The following CDH18 variants were observed in gnomAD, a reference collection of about 807,000 sequenced individuals.
CDH18 encodes cadherin 18.
In CDH18, 31 loss-of-function variants were observed where a neutral mutation model predicts 67.9. The observed-to-expected ratio is 0.46, with a 90% confidence interval of 0.34 to 0.62. The LOEUF (loss-of-function observed/expected upper bound fraction) is 0.62, where lower values mean the gene tolerates loss of function less well. CDH18 is among the 20% of genes least tolerant of loss of function. The pLI is 0.01. For missense variants in CDH18, 890 were observed against 975.5 expected (o/e 0.91, Z 1.17); for synonymous variants, 362 against 347.2 (o/e 1.04, Z -0.48).
intron 2 of CDH18, among the ~76,000 whole-genome samples, chr5:19,890,407 G>A (rs1788661434): frequency 6.6e-6 from 1 of 152,034 alleles, no homozygotes; most frequent in Non-Finnish European, 1.5e-5. Context: ...CTGAGGATTA[G>A]GATGTGGAAA....
intron 2 of CDH18, among the ~76,000 whole-genome samples, chr5:20,008,017 C>G (rs1179113488): frequency 1.3e-5 from 2 of 151,938 alleles, no homozygotes; most frequent in East Asian, 3.9e-4. Context: ...TGGCTGACCC[C>G]TGGTATAGAC....
chr5:19,903,617 CTTTTTT>C (rs59678864), intron 2 of CDH18, among the ~76,000 whole-genome samples: 9 of 89,982 alleles, frequency 1.0e-4, no homozygotes, highest in Admixed American at 1.3e-4. Context: ...AGCAAAGTGG[CTTTTTT>C]TTTTTTTTTT....
intron 3 of CDH18, among the ~76,000 whole-genome samples, chr5:19,808,663 T>TA (rs532046251): frequency 0.084 from 12,298 of 146,624 alleles, 512 homozygotes; most frequent in African/African-American, 0.1. Flanking sequence ...CTGTCTCTAC[T>TA]AAAAAAAAAA....
At chr5:20,251,240 A>T (rs1174497504) in intron 2 of CDH18, among the ~76,000 whole-genome samples, 1 of 152,116 alleles carries the variant, frequency 6.6e-6, no homozygotes, top group African/African-American at 2.4e-5. Flanking sequence ...ATAAATCATA[A>T]TTTTTTAATT....
chr5:20,522,814 CT>C (rs1348595540), intron 1 of CDH18, among the ~76,000 whole-genome samples: 1 of 152,128 alleles, frequency 6.6e-6, no homozygotes, highest in Non-Finnish European at 1.5e-5. Flanking sequence ...AATTTTATTT[CT>C]AATTTATGCG....
At chr5:19,978,094 C>A (rs567413418) in intron 2 of CDH18, among the ~76,000 whole-genome samples, 1 of 151,596 alleles carries the variant, frequency 6.6e-6, no homozygotes, top group Non-Finnish European at 1.5e-5. Context: ...TTATTGTTTG[C>A]GTGGATGAAT....
chr5:19,574,117 G>A (rs1026014621), intron 7 of CDH18, among the ~76,000 whole-genome samples: 4 of 152,024 alleles, frequency 2.6e-5, no homozygotes, highest in African/African-American at 4.8e-5. Flanking sequence ...GCCACCTCCC[G>A]TCCTATCTGA....
At chr5:19,897,479 T>A (rs1056065850) in intron 2 of CDH18, among the ~76,000 whole-genome samples, 2 of 152,120 alleles carry the variant, frequency 1.3e-5, no homozygotes, top group African/African-American at 4.8e-5. Context: ...TGCCCACACA[T>A]TTAAGTTGGT....
chr5:20,481,255 T>C (rs1003781033), intron 1 of CDH18, among the ~76,000 whole-genome samples: 6 of 148,418 alleles, frequency 4.0e-5, no homozygotes, highest in Non-Finnish European at 8.9e-5. Flanking sequence ...TATATTATGA[T>C]AAAGAGCTCA....
At position 20,526,187 on chromosome 5, in the gene CDH18, A is replaced by G. The variant is rs965267093; in HGVS notation, c.-580+49275T>C. ...TTTGTTTAGGTGAAACCTGGATCCA[A>G]CCCTTTTCACCAGGCAGGGCCTCCC... is the stretch of plus-strand genomic sequence containing the variant. On this transcript the variant is annotated intron_variant, in intron 1 of 14. Transcript: ENST00000507958. 1.4e-4 allele frequency among the ~76,000 whole-genome samples: 21 copies of G among 152,008 alleles called. 1 individual carries two copies. Among genetic ancestry groups the G allele is most frequent in the Admixed American group, 1.4e-3 (21 of 15,256 alleles).
chr5:19,982,817 T>G (rs150515242), intron 1 of CDH18, among the ~76,000 whole-genome samples: 2,503 of 152,084 alleles, frequency 0.016, 77 homozygotes, highest in African/African-American at 0.057. Context: ...GGCCAAGGCG[T>G]GTGGATCACG....
At chr5:19,609,387 C>G (rs1207496018) in intron 6 of CDH18, among the ~76,000 whole-genome samples, 4 of 151,952 alleles carry the variant, frequency 2.6e-5, no homozygotes, top group South Asian at 2.1e-4. Flanking sequence ...GTTGGGCATG[C>G]ATTATCCAGT....
intron 2 of CDH18, among the ~76,000 whole-genome samples, chr5:20,236,212 C>G (rs1450881853): frequency 6.6e-6 from 1 of 150,786 alleles, no homozygotes; most frequent in Admixed American, 6.6e-5. Context: ...ACATGTATAC[C>G]CTGATTTTAA....
chr5:20,509,057 T>A (rs561282334), intron 1 of CDH18, among the ~76,000 whole-genome samples: 1 of 152,294 alleles, frequency 6.6e-6, no homozygotes, highest in Admixed American at 6.5e-5. Context: ...AGTTAATTAA[T>A]GTGCTCTAAT....
chr5:19,612,781 T>C (rs1454904541), intron 5 of CDH18, among the ~76,000 whole-genome samples, 180 bp from the exon 6 acceptor site: 1 of 152,142 alleles, frequency 6.6e-6, no homozygotes, highest in Non-Finnish European at 1.5e-5. Context: ...AAAAATTTAC[T>C]TATCCCATGC....
intron 1 of CDH18, among the ~76,000 whole-genome samples, chr5:20,269,588 A>G (rs944366851): frequency 6.6e-6 from 1 of 152,164 alleles, no homozygotes; most frequent in African/African-American, 2.4e-5. Context: ...ATGCAGCTGG[A>G]GGCCATTATC....
In CDH18 at chr5:20,106,183, CTACGAGT is replaced by C. The variant is rs1170054059; in HGVS notation, c.-517-114176_-517-114170del. Among the ~76,000 whole-genome samples, 24 of 152,276 alleles carry C rather than the reference CTACGAGT, an allele frequency of 1.6e-4. No individual in the cohort carries two copies. In the South Asian group the frequency reaches 4.6e-3, roughly 29 times the overall value. On this transcript the variant is annotated intron_variant, in intron 2 of 14. Coordinates refer to the CDH18 transcript ENST00000507958. ...TGGCTTTGCTCTGCTTCCTCCAACT[CTACGAGT>C]TTCATAATGGACCTACCTCCACAGC...
At chr5:20,480,566 T>G (rs1285855120) in intron 1 of CDH18, among the ~76,000 whole-genome samples, 1 of 152,036 alleles carries the variant, frequency 6.6e-6, no homozygotes, top group Admixed American at 6.6e-5. Context: ...TACAGGTATG[T>G]GCCACCACAC....
At chr5:20,150,568 G>A (rs899845336) in intron 2 of CDH18, among the ~76,000 whole-genome samples, 38 of 152,162 alleles carry the variant, frequency 2.5e-4, no homozygotes, top group African/African-American at 8.9e-4. Flanking sequence ...GACACGTCTA[G>A]CATAGTTTTA....
Sources: gnomAD v4.1 joint callset for allele counts (sites outside exome capture counted in the v4.1 genomes callset) on GRCh38, gnomAD v4.1.1 for gene constraint, MANE v1.5 for transcripts, NCBI Gene and HGNC (gene_info 2026-07-23, HGNC 2026-07-21) for gene names.